The following PDE4D variants were observed in gnomAD, a reference collection of about 807,000 sequenced individuals.
PDE4D encodes the protein phosphodiesterase 4D.
A neutral mutation model predicts 87.4 loss-of-function variants in PDE4D; 24 were observed. The observed-to-expected ratio is 0.27, with a 90% CI of 0.20 to 0.39. PDE4D has a LOEUF of 0.39. Ranked by LOEUF, PDE4D falls within the 10% of genes least tolerant of loss-of-function variation. PDE4D has a pLI of 1.00. For synonymous variants in PDE4D, 384 were observed against 383.2 expected (o/e 1.00, Z -0.02); for missense variants, 714 against 1,041.0 (o/e 0.69, Z 4.32).
intron 2 of PDE4D, among the ~76,000 whole-genome samples, chr5:60,040,265 T>G (rs1768319148): frequency 6.6e-6 from 1 of 152,218 alleles, no homozygotes; most frequent in South Asian, 2.1e-4. Flanking sequence ...AGTGTGCTGC[T>G]GTGTAGAAAG....
At chr5:59,798,330 T>G (rs1766738091) in intron 1 of PDE4D, among the ~76,000 whole-genome samples, 1 of 151,122 alleles carries the variant, frequency 6.6e-6, no homozygotes, top group Non-Finnish European at 1.5e-5. Context: ...AAAATTCAAT[T>G]TAGTCATCGT....
intron 1 of PDE4D, among the ~76,000 whole-genome samples, chr5:60,411,454 G>A (rs1561222279): frequency 6.6e-6 from 1 of 151,868 alleles, no homozygotes; most frequent in Non-Finnish European, 1.5e-5. Flanking sequence ...ACAAAGGGAA[G>A]TATCACATAA....
intron 1 of PDE4D, among the ~76,000 whole-genome samples, chr5:60,352,842 CAATTAT>C (rs1759314670): frequency 6.6e-6 from 1 of 152,090 alleles, no homozygotes; most frequent in Non-Finnish European, 1.5e-5. Context: ...GAAAAAGACA[CAATTAT>C]AATTATATTT....
chr5:59,864,154 G>A (rs980254328), intron 1 of PDE4D, among the ~76,000 whole-genome samples: 6 of 152,116 alleles, frequency 3.9e-5, no homozygotes, highest in African/African-American at 7.2e-5. Flanking sequence ...TGCGATGTGC[G>A]GGTAGACATT....
At chr5:59,970,697 T>A (rs1326539923) in intron 3 of PDE4D, among the ~76,000 whole-genome samples, 1 of 148,552 alleles carries the variant, frequency 6.7e-6, no homozygotes, top group Non-Finnish European at 1.5e-5. Context: ...CATTAAAAAG[T>A]CAGGAAGCAA....
chr5:60,027,759 C>T (rs1019002151), intron 2 of PDE4D, among the ~76,000 whole-genome samples: 6 of 152,120 alleles, frequency 3.9e-5, no homozygotes, highest in Non-Finnish European at 8.8e-5. Context: ...AAAACCTTGT[C>T]CATTAGTGCT....
intron 1 of PDE4D, among the ~76,000 whole-genome samples, chr5:60,293,485 G>A (rs1197578929): frequency 6.6e-6 from 1 of 152,148 alleles, no homozygotes; most frequent in African/African-American, 2.4e-5. Context: ...CTGCACTCCA[G>A]CCTGGGTAAC....
chr5:60,092,579 T>TA (rs34150712), intron 2 of PDE4D, among the ~76,000 whole-genome samples: 44,592 of 150,034 alleles, frequency 0.3, 7,335 homozygotes, highest in East Asian at 0.74. Flanking sequence ...TATGTTTCAA[T>TA]AAAAAAAGAG....
At chr5:59,644,415 G>A (rs532346464) in intron 1 of PDE4D, among the ~76,000 whole-genome samples, 6 of 152,240 alleles carry the variant, frequency 3.9e-5, no homozygotes, top group African/African-American at 1.4e-4. Flanking sequence ...TATATCAGAG[G>A]TACCTGACTC....
intron 1 of PDE4D, among the ~76,000 whole-genome samples, chr5:60,211,182 A>G (rs1476880719): frequency 1.3e-5 from 2 of 152,210 alleles, no homozygotes; most frequent in Non-Finnish European, 2.9e-5. Flanking sequence ...CCGGAAACAC[A>G]GCTCCTAATA....
chr5:59,236,038 G>A (rs1331243312), intron 1 of PDE4D, among the ~76,000 whole-genome samples: 2 of 152,146 alleles, frequency 1.3e-5, no homozygotes, highest in Middle Eastern at 3.4e-3. Flanking sequence ...TTAGATCCAG[G>A]GGTCCATGCA....
intron 1 of PDE4D, among the ~76,000 whole-genome samples, chr5:60,208,766 G>C (rs1279885369): frequency 6.6e-6 from 1 of 152,204 alleles, no homozygotes; most frequent in African/African-American, 2.4e-5. Flanking sequence ...GCATCAAAGT[G>C]CAGTCTATCT....
intron 1 of PDE4D, among the ~76,000 whole-genome samples, chr5:59,449,871 C>T (rs1798887346): frequency 6.6e-6 from 1 of 152,116 alleles, no homozygotes; most frequent in Non-Finnish European, 1.5e-5. Context: ...CCTTGAATCA[C>T]TTCAATTTGT....
intron 1 of PDE4D, among the ~76,000 whole-genome samples, chr5:59,801,323 T>A (rs938036349): frequency 1.3e-5 from 2 of 152,202 alleles, no homozygotes; most frequent in Non-Finnish European, 1.5e-5. Context: ...TATTTCATTA[T>A]TCTAAGATAC....
intron 1 of PDE4D, among the ~76,000 whole-genome samples, chr5:59,425,748 C>G (rs1258859817): frequency 6.6e-6 from 1 of 152,182 alleles, no homozygotes; most frequent in Admixed American, 6.5e-5. Context: ...CAATGCCTCC[C>G]TCGTGCAGGT....
chr5:60,427,744 T>C (rs1459245586), intron 1 of PDE4D, among the ~76,000 whole-genome samples: 1 of 152,144 alleles, frequency 6.6e-6, no homozygotes, highest in African/African-American at 2.4e-5. Context: ...TTATGACATG[T>C]TAAAATAATG....
rs1760593960 is a variant in PDE4D at position 59,254,575 on chromosome 5, A to G, written c.456-38607T>C. Among the ~76,000 whole-genome samples the G allele has an allele frequency of 2.0e-5, 3 of 152,192 alleles. 1 individual carries two copies. Among genetic ancestry groups the G allele is most frequent in the African/African-American group, 7.2e-5 (3 of 41,558 alleles). On this transcript the variant is annotated intron_variant, in intron 1 of 14. Transcript: ENST00000340635. ...AGGTCAAGAAGCCCCTGGCCTGACC[A>G]ACATTGGTCAGAGGAGTCCAGGAAA... is the stretch of plus-strand genomic sequence containing the variant.
intron 1 of PDE4D, among the ~76,000 whole-genome samples, chr5:59,349,973 T>C (rs1282204116): frequency 6.6e-6 from 1 of 152,178 alleles, no homozygotes; most frequent in Non-Finnish European, 1.5e-5. Context: ...ACATTGATAA[T>C]TGAGCAGATT....
At chr5:59,243,565 T>G (rs1402721260) in intron 1 of PDE4D, among the ~76,000 whole-genome samples, 1 of 148,138 alleles carries the variant, frequency 6.8e-6, no homozygotes, top group African/African-American at 2.5e-5. Flanking sequence ...GTTCAAGTGA[T>G]TCTCCTGCCT....
Sources: allele counts gnomAD v4.1 joint callset (sites outside exome capture counted in the v4.1 genomes callset), GRCh38; gene constraint gnomAD v4.1.1; transcripts MANE v1.5; gene names NCBI Gene and HGNC (gene_info 2026-07-23, HGNC 2026-07-21).